CA5A: variants seen among roughly 807,000 people sequenced by gnomAD.
The protein encoded by CA5A is carbonic anhydrase 5A.
In CA5A, 28 loss-of-function variants were observed where a neutral mutation model predicts 37.1. That is an observed-to-expected ratio of 0.75 (90% CI 0.56 to 1.03). The LOEUF (loss-of-function observed/expected upper bound fraction) is 1.03. Among genes scored for constraint, CA5A ranks in the 50% least tolerant of loss-of-function variants. CA5A has a pLI of 0.00. For missense variants in CA5A, 444 were observed against 399.9 expected (o/e 1.11, Z -0.94); for synonymous variants, 171 against 158.4 (o/e 1.08, Z -0.60).
At chr16:87,931,644 C>T (rs756970853) in intron 1 of CA5A, among the ~76,000 whole-genome samples, 2 of 152,180 alleles carry the variant, frequency 1.3e-5, no homozygotes, top group Non-Finnish European at 2.9e-5. Flanking sequence ...GAGTGCCTTC[C>T]CACGCATGAT....
chr16:87,902,119 C>T (rs916373501), intron 4 of CA5A, 145 bp from the exon 5 acceptor site: 12 of 720,062 alleles, frequency 1.7e-5, no homozygotes, highest in African/African-American at 5.3e-5. Context: ...TGTGGGAGGC[C>T]GAGGTGGGCG....
intron 3 of CA5A, among the ~76,000 whole-genome samples, chr16:87,904,387 A>C (rs1040186545): frequency 1.5e-4 from 23 of 152,054 alleles, no homozygotes; most frequent in African/African-American, 5.3e-4. Flanking sequence ...AAACAAACAA[A>C]AGAAGATGAT....
intron 2 of CA5A, chr16:87,923,713 T>C: frequency 1.0e-6 from 1 of 985,390 alleles, no homozygotes; most frequent in Non-Finnish European, 1.2e-6. Context: ...AAGTCCAAAA[T>C]AACCTTCAAA....
intron 5 of CA5A, among the ~76,000 whole-genome samples, chr16:87,899,413 C>T (rs1313244968): frequency 6.7e-6 from 1 of 149,566 alleles, no homozygotes; most frequent in Non-Finnish European, 1.5e-5. Flanking sequence ...AGCAATTCTC[C>T]TGCCTCAGCC....
At chr16:87,913,667 T>A (rs867893899) in intron 2 of CA5A, among the ~76,000 whole-genome samples, 2 of 113,532 alleles carry the variant, frequency 1.8e-5, no homozygotes, top group African/African-American at 8.3e-5. Context: ...CCCCCTCCTC[T>A]CCAATACGAA....
At chr16:87,889,251 C>T (rs1264654574) in intron 6 of CA5A, among the ~76,000 whole-genome samples, 1 of 151,962 alleles carries the variant, frequency 6.6e-6, no homozygotes, top group Non-Finnish European at 1.5e-5. Context: ...GACAGGGTTT[C>T]ACCATGTTGG....
chr16:87,903,266 A>C (rs181074723), intron 3 of CA5A, among the ~76,000 whole-genome samples: 32 of 152,220 alleles, frequency 2.1e-4, no homozygotes, highest in Middle Eastern at 3.4e-3. Context: ...CCCCGTCCCT[A>C]CTAAAACTAC....
rs537828528 is a variant in CA5A, at chr16:87,899,706, G to A, written c.618+2206C>T. On this transcript the variant is annotated intron_variant, in intron 5 of 6. Coordinates refer to ENST00000649794, the MANE Select transcript of CA5A (RefSeq NM_001739.2). ...AGGCCAAGGTGGGCAGATCACTTGA[G>A]GTCAGGAGTTTGACACCAGCCTGGC... 1.7e-3 allele frequency among the ~76,000 whole-genome samples: 260 copies of A among 150,430 alleles called. 1 individual carries two copies. The highest frequency in any genetic ancestry group is 6.0e-3 in the African/African-American group (247 of 41,144).
At chr16:87,902,004 G>A in intron 4 of CA5A, 30 bp from the exon 5 acceptor site, 2 of 1,602,740 alleles carry the variant, frequency 1.2e-6, no homozygotes, top group African/African-American at 2.7e-5. Context: ...GGGGTTAGCT[G>A]CAAAGGCAGT....
rs1035395934 is a variant in CA5A, at chr16:87,915,135, G to A, written c.341-10231C>T. ...AACCTCGACTCGCGTTGCAGCGCACGTCCGACCACACTCGCCTTTGATCGC... is the reference window on the plus strand; with the variant it reads ...AACCTCGACTCGCGTTGCAGCGCACATCCGACCACACTCGCCTTTGATCGC... On this transcript the variant is annotated intron_variant, in intron 2 of 6. Transcript: ENST00000649794. 7.2e-5 allele frequency among the ~76,000 whole-genome samples: 11 copies of A among 152,300 alleles called. 1 individual carries two copies. Among genetic ancestry groups the A allele is most frequent in the Non-Finnish European group, 5.9e-5 (4 of 68,032 alleles).
chr16:87,909,503 G>T (rs1171339179), intron 2 of CA5A, among the ~76,000 whole-genome samples: 2 of 152,220 alleles, frequency 1.3e-5, no homozygotes, highest in South Asian at 2.1e-4. Flanking sequence ...GCAGGTGCAG[G>T]GGCCGATGGA....
chr16:87,905,551 G>T (rs1489892097), intron 2 of CA5A, among the ~76,000 whole-genome samples: 1 of 152,130 alleles, frequency 6.6e-6, no homozygotes, highest in African/African-American at 2.4e-5. Context: ...TAGAGACGGG[G>T]TTTCACCATG....
chr16:87,917,732 CAT>C (rs907438039), intron 2 of CA5A, among the ~76,000 whole-genome samples: 5 of 103,238 alleles, frequency 4.8e-5, no homozygotes, highest in African/African-American at 2.4e-4. Context: ...TGCACACACA[CAT>C]GAACACACAT....
intron 2 of CA5A, among the ~76,000 whole-genome samples, chr16:87,906,231 C>CCTCGTGTCACCTGCCTTG (rs60280559): frequency 2.0e-5 from 3 of 148,108 alleles, no homozygotes; most frequent in African/African-American, 5.1e-5. Context: ...TGTGGAGGAG[C>CCTCGTGTCACCTGCCTTG]CTCATGTCAC....
chr16:87,933,791 A>C (rs1263959193), intron 1 of CA5A, among the ~76,000 whole-genome samples: 1 of 152,202 alleles, frequency 6.6e-6, no homozygotes, highest in Non-Finnish European at 1.5e-5. Context: ...TTTCCAAGTG[A>C]AATAATCTTC....
rs1408724312 is a variant in CA5A, at chr16:87,929,867, G to A, written c.143-2922C>T. 8.5e-3 allele frequency among the ~76,000 whole-genome samples: 226 copies of A among 26,470 alleles called. 3 individuals carry two copies. The highest frequency in any genetic ancestry group is 0.017 in the African/African-American group (69 of 3,998). 17.4% of individuals were successfully genotyped at this position (26,470 alleles called of 152,430 possible). On this transcript the variant is annotated intron_variant, in intron 1 of 6. Transcript: ENST00000649794. The stretch of plus-strand genomic sequence containing the variant: ...AGCCTGGGCAATACAGCGAGACTCC[G>A]TCTCAAAAAAAAAAAAAAAAAAAAA...
At chr16:87,898,547 C>T (rs1365379845) in intron 5 of CA5A, among the ~76,000 whole-genome samples, 1 of 152,202 alleles carries the variant, frequency 6.6e-6, no homozygotes, top group East Asian at 1.9e-4. Context: ...GCGATTTTAA[C>T]CTTAGTGATT....
At chr16:87,894,087 T>C (rs1278023521) in intron 5 of CA5A, among the ~76,000 whole-genome samples, 1 of 152,214 alleles carries the variant, frequency 6.6e-6, no homozygotes, top group Non-Finnish European at 1.5e-5. Flanking sequence ...CCCAGAAGTG[T>C]GTGATTGCTG....
At chr16:87,888,488 A>T (rs962356279) in intron 6 of CA5A, among the ~76,000 whole-genome samples, 17 of 152,156 alleles carry the variant, frequency 1.1e-4, no homozygotes, top group Non-Finnish European at 1.9e-4. Context: ...TCTGGGGGGA[A>T]GCTGGTCGCC....
Sources: allele counts gnomAD v4.1 joint callset (sites outside exome capture counted in the v4.1 genomes callset), GRCh38; gene constraint gnomAD v4.1.1; transcripts MANE v1.5; gene names NCBI Gene and HGNC (gene_info 2026-07-23, HGNC 2026-07-21).